Variants in PDE6C observed in about 807,000 individuals in gnomAD.
The protein encoded by PDE6C is cone cGMP-specific 3',5'-cyclic phosphodiesterase subunit alpha'.
In PDE6C, 75 loss-of-function variants were observed where a neutral mutation model predicts 113.1. That is an observed-to-expected ratio of 0.66 (90% confidence interval 0.55 to 0.80). PDE6C has a LOEUF of 0.80. Ranked by LOEUF, PDE6C falls within the 30% of genes least tolerant of loss-of-function variation. PDE6C has a pLI of 0.00. For synonymous variants in PDE6C, 375 were observed against 363.7 expected (o/e 1.03, Z -0.35); for missense variants, 912 against 1,038.6 (o/e 0.88, Z 1.67).
At chr10:93,650,553 A>AT (rs1200437019) in intron 15 of PDE6C, among the ~76,000 whole-genome samples, 3 of 152,040 alleles carry the variant, frequency 2.0e-5, no homozygotes, top group Admixed American at 6.6e-5. Context: ...CAGTCAATTC[A>AT]TTTTTTTTCA....
At chr10:93,650,885 ATATT>A (rs2058606898) in intron 15 of PDE6C, among the ~76,000 whole-genome samples, 1 of 149,724 alleles carries the variant, frequency 6.7e-6, no homozygotes, top group African/African-American at 2.4e-5. Context: ...TTTATATGAT[ATATT>A]TTTTTACCAT....
rs1320153752 is a variant in PDE6C, at chr10:93,612,710, C to T, written c.-16C>T. 1.9e-6 allele frequency: 3 copies of T among 1,613,418 alleles called. No individual in the cohort carries two copies. The highest frequency in any genetic ancestry group is 2.2e-5 in the South Asian group (2 of 91,036). On this transcript the variant is annotated 5_prime_UTR_variant, in exon 1 of 22. Coordinates refer to ENST00000371447, the MANE Select transcript of PDE6C (RefSeq NM_006204.4). ...GGTCGTCCTTTCTGAACAAACGCAG[C>T]AAAGCAAGCCACACCATGGGTGAGA... is the stretch of plus-strand genomic sequence containing the variant.
Position 93,613,186 on chromosome 10 carries a change from A to T in PDE6C, c.461A>T (p.Asn154Ile). The change falls in exon 1 of 22, where the codon AAT becomes ATT. Residue 154 changes from asparagine to isoleucine, a missense_variant. Transcript: ENST00000371447. ...GWAAHTKKTH[N>I]VPDVKKNSHF... ...GCTGCTCACACGAAGAAAACTCATA[A>T]TGTCCCAGATGTGAAAAAGGTAGGT... The T allele has an allele frequency of 1.2e-6, 2 of 1,613,738 alleles. No homozygotes were observed. Among genetic ancestry groups the T allele is most frequent in the Non-Finnish European group, 1.7e-6 (2 of 1,180,018 alleles).
chr10:93,635,548 A>G lies in PDE6C; in HGVS notation c.1321A>G (p.Lys441Glu), dbSNP rs766495929. 1.4e-5 allele frequency: 22 copies of G among 1,612,786 alleles called. No individual in the cohort carries two copies. In the South Asian group the frequency reaches 2.1e-4, roughly 15 times the overall value. ...TCTTTTAAATACTGACACCTACGAT[A>G]AGATGAATAAGCTAGAAAACAGAAA... ...WSLLNTDTYD[K>E]MNKLENRKDI... Residue 441 changes from lysine to glutamate, a missense_variant, in exon 10 of 22, where the codon AAG becomes GAG. Transcript: ENST00000371447.
In PDE6C at chr10:93,652,032, T is replaced by A. The variant is rs2058611641; in HGVS notation, c.1936-3728T>A. ...GTGTGTGTGTGCATGTGTGTGTGTG[T>A]GTGCCTGTGTGTGTGTATGTCCCAC... On this transcript the variant is annotated intron_variant, in intron 15 of 21. Coordinates refer to ENST00000371447, the MANE Select transcript of PDE6C (RefSeq NM_006204.4). 2.0e-5 allele frequency among the ~76,000 whole-genome samples: 3 copies of A among 152,224 alleles called. No homozygotes were observed. In the South Asian group the frequency reaches 6.2e-4, roughly 32 times the overall value.
chr10:93,659,275 C>A (rs720298), intron 18 of PDE6C, 108 bp downstream of exon 18: 186,522 of 778,046 alleles, frequency 0.24, 23,169 homozygotes, highest in African/African-American at 0.34. Flanking sequence ...TGAAAAATTA[C>A]AAATATTAGT....
intron 8 of PDE6C, among the ~76,000 whole-genome samples, chr10:93,630,421 C>T (rs1028069092): frequency 1.3e-5 from 2 of 150,842 alleles, no homozygotes; most frequent in Non-Finnish European, 3.0e-5. Context: ...ATCTCTGCCA[C>T]TCCCTTCTCT....
intron 8 of PDE6C, among the ~76,000 whole-genome samples, chr10:93,633,465 CAAA>C (rs111369291): frequency 2.3e-5 from 2 of 87,264 alleles, no homozygotes; most frequent in African/African-American, 7.5e-5. Flanking sequence ...GACCCTGTCT[CAAA>C]AAAAAAAAAA....
intron 15 of PDE6C, among the ~76,000 whole-genome samples, chr10:93,653,202 G>A (rs1025233975): frequency 2.6e-5 from 4 of 152,118 alleles, no homozygotes; most frequent in African/African-American, 4.8e-5. Flanking sequence ...AAAATCAGGG[G>A]CAGGTTAAGT....
chr10:93,615,847 C>T (rs1209464417), intron 1 of PDE6C, among the ~76,000 whole-genome samples: 3 of 152,188 alleles, frequency 2.0e-5, no homozygotes, highest in Non-Finnish European at 2.9e-5. Context: ...TAGCCCAACT[C>T]TGTCCTATGG....
At chr10:93,660,917 A>G (rs76623304) in intron 18 of PDE6C, among the ~76,000 whole-genome samples, 4,225 of 152,186 alleles carry the variant, frequency 0.028, 163 homozygotes, top group African/African-American at 0.09. Flanking sequence ...ATGTCTCTAC[A>G]CAGAGCTCAA....
At chr10:93,615,705 C>T (rs548947771) in intron 1 of PDE6C, among the ~76,000 whole-genome samples, 202 of 152,290 alleles carry the variant, frequency 1.3e-3, no homozygotes, top group Non-Finnish European at 1.9e-3. Context: ...TTTTAAAAAG[C>T]TCCCCCAGCT....
Position 93,620,682 on chromosome 10 carries a change from G to A in PDE6C, c.531G>A (p.Lys177=), listed in dbSNP as rs767411173. ...FMDKQTGYVT[K]NLLATPIVVG... is the part of the protein sequence containing the mutation. ...ACAAGCAAACTGGGTATGTCACTAA[G>A]AACCTGCTGGCAACCCCGATCGTGG... The change falls in exon 2 of 22, where the codon AAG becomes AAA. Residue 177 remains lysine, a synonymous_variant. Coordinates refer to ENST00000371447, the MANE Select transcript of PDE6C (RefSeq NM_006204.4). 6.2e-7 allele frequency: 1 copy of A among 1,614,172 alleles called. No homozygotes were observed. Among genetic ancestry groups the A allele is most frequent in the Non-Finnish European group, 8.5e-7 (1 of 1,180,028 alleles).
chr10:93,651,254 T>C (rs2058608710), intron 15 of PDE6C, among the ~76,000 whole-genome samples: 2 of 152,196 alleles, frequency 1.3e-5, no homozygotes, highest in Admixed American at 1.3e-4. Flanking sequence ...TCAAACATTC[T>C]CTCACCAATT....
intron 14 of PDE6C, among the ~76,000 whole-genome samples, chr10:93,642,115 C>T (rs147752364): frequency 0.048 from 7,309 of 152,206 alleles, 193 homozygotes; most frequent in Middle Eastern, 0.099. Flanking sequence ...CCTATAATCC[C>T]AGCACTTTGG....
intron 6 of PDE6C, 50 bp downstream of exon 6, chr10:93,626,754 C>T: frequency 1.2e-6 from 2 of 1,601,460 alleles, no homozygotes; most frequent in Non-Finnish European, 8.6e-7. Flanking sequence ...TATTTTTGCA[C>T]ATATTGCATT....
At position 93,625,618 on chromosome 10, in the gene PDE6C, C is replaced by G. The variant is rs1483252847; in HGVS notation, c.908C>G (p.Pro303Arg). ...CCAATCAAGCTTGGAGAAGTAGAGC[C>G]TTATAAAGGTCCAAAGACACCTGAT... ...EWPIKLGEVEPYKGPKTPDGR... is the reference protein window; with the variant it reads ...EWPIKLGEVERYKGPKTPDGR... The change falls in exon 5 of 22, where the codon CCT becomes CGT. Residue 303 changes from proline (P) to arginine (R), a missense_variant. Transcript: ENST00000371447. 1 of 1,613,524 alleles carries G rather than the reference C, an allele frequency of 6.2e-7. No individual in the cohort carries two copies. The highest frequency in any genetic ancestry group is 1.3e-5 in the African/African-American group (1 of 74,896).
chr10:93,653,029 C>T (rs2058616686), intron 15 of PDE6C, among the ~76,000 whole-genome samples: 1 of 152,260 alleles, frequency 6.6e-6, no homozygotes, highest in African/African-American at 2.4e-5. Flanking sequence ...TCAAGGTTGG[C>T]TTCAAATATT....
intron 20 of PDE6C, 87 bp downstream of exon 20, chr10:93,662,730 C>A: frequency 2.6e-6 from 2 of 759,308 alleles, no homozygotes; most frequent in Non-Finnish European, 4.7e-6. Context: ...TAGAAGTCAC[C>A]CATACGGAAA....
Sources: gnomAD v4.1 joint callset for allele counts (sites outside exome capture counted in the v4.1 genomes callset) on GRCh38, gnomAD v4.1.1 for gene constraint, MANE v1.5 for transcripts, NCBI Gene and HGNC (gene_info 2026-07-23, HGNC 2026-07-21) for gene names.